Variants in SNX6 observed in about 807,000 individuals in gnomAD.
The protein encoded by SNX6 is sorting nexin-6.
A neutral mutation model predicts 63.0 loss-of-function variants in SNX6; 34 were observed. The ratio of observed to expected loss-of-function variants is 0.54; its 90% confidence interval spans 0.41 to 0.72. The LOEUF (loss-of-function observed/expected upper bound fraction) is 0.72, where lower values mean the gene tolerates loss of function less well. Among genes scored for constraint, SNX6 ranks in the 30% least tolerant of loss-of-function variants. SNX6 has a pLI of 0.00. For missense variants in SNX6, 398 were observed against 471.4 expected, an observed-to-expected ratio of 0.84 and a Z score of 1.44; for synonymous variants, 170 against 164.2, an observed-to-expected ratio of 1.04 and a Z score of -0.27.
intron 11 of SNX6, chr14:34,568,633 T>G: frequency 1.5e-6 from 1 of 674,972 alleles, no homozygotes; most frequent in Non-Finnish European, 2.6e-6. Context: ...GCACTCAGCC[T>G]GTTTTTTTTT....
At chr14:34,594,936 AC>A (rs1882540191) in intron 7 of SNX6, among the ~76,000 whole-genome samples, 1 of 151,940 alleles carries the variant, frequency 6.6e-6, no homozygotes, top group Non-Finnish European at 1.5e-5. Context: ...TACAAAAAAT[AC>A]AAAAATTAGC....
chr14:34,595,962 G>A (rs1338450129), intron 7 of SNX6, among the ~76,000 whole-genome samples: 1 of 152,166 alleles, frequency 6.6e-6, no homozygotes, highest in African/African-American at 2.4e-5. Flanking sequence ...GCTCACGCCT[G>A]TAATCCCAGC....
At chr14:34,611,693 T>C (rs143316617) in intron 2 of SNX6, among the ~76,000 whole-genome samples, 131 of 141,446 alleles carry the variant, frequency 9.3e-4, no homozygotes, top group Non-Finnish European at 1.4e-3. Flanking sequence ...GAGGTTGCGC[T>C]GAGCAGAGAT....
In SNX6 at chr14:34,562,495, G is replaced by A. The variant is rs149752085; in HGVS notation, c.*627C>T. Reference sequence around the variant, plus strand: ...AGAGTTAAAAACTATCACTGTTATCGCTGTTTATTTTACAATACTTGGTTT... The same window carrying A: ...AGAGTTAAAAACTATCACTGTTATCACTGTTTATTTTACAATACTTGGTTT... On this transcript the variant is annotated 3_prime_UTR_variant, in exon 14 of 14. Coordinates refer to ENST00000362031, the MANE Select transcript of SNX6 (RefSeq NM_152233.4). 34 of 152,710 alleles carry A rather than the reference G, an allele frequency of 2.2e-4. No homozygotes were observed. The highest frequency in any genetic ancestry group is 2.1e-4 in the South Asian group (1 of 4,830). The allele number at this position is 152,710 out of a possible 1,614,324, so 9.5% of individuals were successfully genotyped here.
At chr14:34,616,142 GA>G (rs1883411570) in intron 2 of SNX6, among the ~76,000 whole-genome samples, 1 of 151,986 alleles carries the variant, frequency 6.6e-6, no homozygotes, top group Non-Finnish European at 1.5e-5. Context: ...TTTTAGTAGA[GA>G]GGGGGTTTCA....
chr14:34,567,919 TG>T lies in SNX6; in HGVS notation c.1015del (p.Gln339ArgfsTer25), dbSNP rs1226615171. On this transcript the variant is annotated frameshift_variant, in exon 12 of 14. Transcript: ENST00000362031. LOFTEE classifies it high-confidence loss of function. The stretch of plus-strand genomic sequence containing the variant: ...ACATAATTGTTGGGAAGTTTCGGCC[TG>T]TAGAACATCTTTATTTTTTGCTCTT... ...KARAKNKDVL[Q>X]AETSQQLCCQ... The T allele has an allele frequency of 6.2e-7, 1 of 1,613,762 alleles. No individual in the cohort carries two copies. The highest frequency in any genetic ancestry group is 8.5e-7 in the Non-Finnish European group (1 of 1,180,052).
intron 3 of SNX6, among the ~76,000 whole-genome samples, chr14:34,609,010 T>G (rs1487264657): frequency 6.6e-6 from 1 of 151,416 alleles, no homozygotes; most frequent in East Asian, 2.0e-4. Flanking sequence ...CCAGCCTGGA[T>G]GACAGAGACT....
chr14:34,587,008 C>CAAAAA (rs71121211), intron 8 of SNX6, among the ~76,000 whole-genome samples: 29 of 50,118 alleles, frequency 5.8e-4, no homozygotes, highest in Admixed American at 1.0e-3. Context: ...GACTCTGTCT[C>CAAAAA]AAAAAAAAAA....
At chr14:34,593,916 A>G (rs1882500943) in intron 7 of SNX6, among the ~76,000 whole-genome samples, 1 of 151,722 alleles carries the variant, frequency 6.6e-6, no homozygotes, top group Admixed American at 6.6e-5. Context: ...GGGTTTCGCC[A>G]TGTTGGCCAG....
At chr14:34,567,572 A>G in intron 13 of SNX6, 114 bp downstream of exon 13, 1 of 778,796 alleles carries the variant, frequency 1.3e-6, no homozygotes, top group Non-Finnish European at 2.1e-6. Context: ...CAGTTCAGGA[A>G]TAGTTGTCAC....
intron 10 of SNX6, 41 bp downstream of exon 10, chr14:34,581,520 G>T: frequency 8.9e-7 from 1 of 1,126,960 alleles, no homozygotes; most frequent in Non-Finnish European, 1.3e-6. Context: ...CTCTCTCTGG[G>T]CACAATATTA....
At chr14:34,603,600 T>C (rs1179247022) in intron 5 of SNX6, 129 bp from the exon 6 acceptor site, 4 of 740,576 alleles carry the variant, frequency 5.4e-6, no homozygotes, top group East Asian at 6.4e-5. Context: ...ATATAATTCA[T>C]GTAAACAAGG....
intron 6 of SNX6, among the ~76,000 whole-genome samples, chr14:34,602,414 C>T (rs867894933): frequency 1.1e-4 from 15 of 139,446 alleles, no homozygotes; most frequent in African/African-American, 4.2e-4. Context: ...GAAACAAGAG[C>T]GAAACTGTCT....
intron 2 of SNX6, among the ~76,000 whole-genome samples, chr14:34,627,264 G>A (rs1385545643): frequency 1.3e-5 from 2 of 152,006 alleles, no homozygotes; most frequent in Non-Finnish European, 2.9e-5. Context: ...GGCTAACACG[G>A]TGAAACCCCG....
rs1026417362 is a variant in SNX6 at position 34,622,067 on chromosome 14, T to C, written c.54+7840A>G. Among the ~76,000 whole-genome samples, 5 of 148,774 alleles carry C rather than the reference T, an allele frequency of 3.4e-5. No individual in the cohort carries two copies. The East Asian group carries it at 1.0e-3, about 31-fold the overall frequency. ...TCTGCCTCCTGGGTTCAAGCGATTC[T>C]CCTGCCTCAGTTTCCCTAGTAGCTG... On this transcript the variant is annotated intron_variant, in intron 2 of 13. Transcript: ENST00000362031.
chr14:34,562,368 G>T lies in SNX6; in HGVS notation c.*754C>A, dbSNP rs558379974. Reference sequence around the variant, plus strand: ...CTTTGTTCGAGATGCCATTTCAAAAGAAATGAGAAAAAAGAAAAACTAAGA... The same window carrying T: ...CTTTGTTCGAGATGCCATTTCAAAATAAATGAGAAAAAAGAAAAACTAAGA... On this transcript the variant is annotated 3_prime_UTR_variant, in exon 14 of 14. Transcript: ENST00000362031. 165 of 152,464 alleles carry T rather than the reference G, an allele frequency of 1.1e-3. No homozygotes were observed. The highest frequency in any genetic ancestry group is 3.8e-3 in the African/African-American group (156 of 41,578). 9.4% of individuals were successfully genotyped at this position (152,464 alleles called of 1,614,324 possible). A position where few individuals can be genotyped will look rare whatever the true frequency, so the allele number is the denominator to read the frequency against.
At chr14:34,622,705 C>A (rs928085311) in intron 2 of SNX6, among the ~76,000 whole-genome samples, 1 of 152,022 alleles carries the variant, frequency 6.6e-6, no homozygotes, top group African/African-American at 2.4e-5. Flanking sequence ...CTAGGAGGAA[C>A]CAAATTACCA....
Position 34,581,506 on chromosome 14 carries a change from T to A in SNX6, c.834+55A>T. The A allele has an allele frequency of 3.9e-6, 4 of 1,020,970 alleles. 1 individual carries two copies. The South Asian group carries it at 7.0e-5, about 18-fold the overall frequency. The allele number at this position is 1,020,970 out of a possible 1,614,324, so 63.2% of individuals were successfully genotyped here. ...TGAATTGTGGTAAAAACCTTTAACA[T>A]GAGCTCTCTCTGGGCACAATATTAT... is the stretch of plus-strand genomic sequence containing the variant. On this transcript the variant is annotated intron_variant, in intron 10 of 13. Coordinates refer to ENST00000362031, the MANE Select transcript of SNX6 (RefSeq NM_152233.4).
At chr14:34,594,799 CTGAAATCTG>C (rs1403274522) in intron 7 of SNX6, among the ~76,000 whole-genome samples, 1 of 152,118 alleles carries the variant, frequency 6.6e-6, no homozygotes. Context: ...CAAAATGTGA[CTGAAATCTG>C]TAATTCAGCT....
Sources: gnomAD v4.1 joint callset for allele counts (sites outside exome capture counted in the v4.1 genomes callset) on GRCh38, gnomAD v4.1.1 for gene constraint, MANE v1.5 for transcripts, NCBI Gene and HGNC (gene_info 2026-07-23, HGNC 2026-07-21) for gene names.